Variants in TAFA5 observed in about 807,000 individuals in gnomAD.
The protein encoded by TAFA5 is TAFA chemokine like family member 5.
A neutral mutation model predicts 15.3 loss-of-function variants in TAFA5; 6 were observed. The observed-to-expected ratio is 0.39, with a 90% CI of 0.21 to 0.77. The LOEUF (loss-of-function observed/expected upper bound fraction) is 0.77, where lower values mean the gene tolerates loss of function less well. Ranked by LOEUF, TAFA5 falls within the 30% of genes least tolerant of loss-of-function variation. The pLI is 0.41. For synonymous variants in TAFA5, 103 were observed against 80.7 expected (o/e 1.28, Z -1.48); for missense variants, 161 against 193.1 (o/e 0.83, Z 0.98).
rs184126678 is a variant in TAFA5 at position 48,576,540 on chromosome 22, C to T, written c.113-70057C>T. ...GGGCCGCGCTCTGCTGCTTCCTCGT[C>T]CTAGTGATCCACGCGCAGTTCCTCA... On this transcript the variant is annotated intron_variant, in intron 1 of 3. Transcript: ENST00000402357. The T allele has an allele frequency of 7.6e-4, 1,159 of 1,518,078 alleles. 8 individuals carry two copies. In the African/African-American group the frequency reaches 0.015, roughly 20 times the overall value. The allele number at this position is 1,518,078 out of a possible 1,614,324, so 94.0% of individuals were successfully genotyped here. A position where few individuals can be genotyped will look rare whatever the true frequency, so the allele number is the denominator to read the frequency against.
rs771819780 is a variant in TAFA5 at position 48,489,599 on chromosome 22, C to G, written c.7C>G (p.Pro3Ala). 1 of 1,474,062 alleles carries G rather than the reference C, an allele frequency of 6.8e-7. No homozygotes were observed. The highest frequency in any genetic ancestry group is 3.0e-5 in the East Asian group (1 of 32,912). The allele number at this position is 1,474,062 out of a possible 1,614,324, so 91.3% of individuals were successfully genotyped here. A position where few individuals can be genotyped will look rare whatever the true frequency, so the allele number is the denominator to read the frequency against. MA[P>A]SPRTGSRQDA... ...CGCGGGCGCCGCGGCTTCAATGGCGCCATCGCCCAGGACCGGCAGCCGGCA... is the reference window on the plus strand; with the variant it reads ...CGCGGGCGCCGCGGCTTCAATGGCGGCATCGCCCAGGACCGGCAGCCGGCA... Residue 3 changes from proline (P) to alanine (A), a missense_variant, in exon 1 of 4, where the codon CCA becomes GCA. By Grantham distance (27) the Pro-to-Ala change is conservative. Transcript: ENST00000402357. This position sits in a 1 kb window ranked among gnomAD's most constrained non-coding sequence, Gnocchi z 5.5.
chr22:48,523,678 G>T (rs1268512546), intron 1 of TAFA5, among the ~76,000 whole-genome samples: 1 of 152,212 alleles, frequency 6.6e-6, no homozygotes, highest in African/African-American at 2.4e-5. Context: ...CTGCATGAAG[G>T]AGGCATCCCG....
At chr22:48,640,590 T>G (rs1005122102) in intron 1 of TAFA5, among the ~76,000 whole-genome samples, 20 of 149,968 alleles carry the variant, frequency 1.3e-4, no homozygotes, top group Non-Finnish European at 2.4e-4. Flanking sequence ...GAGAGGCGTT[T>G]ACCCCGGGGC....
At chr22:48,532,596 TAGTC>T (rs1430066460) in intron 1 of TAFA5, among the ~76,000 whole-genome samples, 1 of 152,172 alleles carries the variant, frequency 6.6e-6, no homozygotes, top group Non-Finnish European at 1.5e-5. Flanking sequence ...GCAGACACTA[TAGTC>T]ACGTCCAGCA....
At chr22:48,605,474 T>G (rs1282104214) in intron 1 of TAFA5, among the ~76,000 whole-genome samples, 10 of 92,848 alleles carry the variant, frequency 1.1e-4, no homozygotes, top group African/African-American at 2.9e-4. Context: ...AATGATGATG[T>G]TGGTGGTGGC....
chr22:48,610,886 G>C (rs1287727101), intron 1 of TAFA5, among the ~76,000 whole-genome samples: 1 of 151,862 alleles, frequency 6.6e-6, no homozygotes, highest in East Asian at 1.9e-4. Context: ...GATTTGACTT[G>C]TGTCCCTCCC....
intron 1 of TAFA5, among the ~76,000 whole-genome samples, chr22:48,500,604 G>A (rs1043300755): frequency 6.6e-6 from 1 of 152,234 alleles, no homozygotes; most frequent in African/African-American, 2.4e-5. Context: ...GCCTCTTCTC[G>A]GCTGAGCTGG....
intron 1 of TAFA5, among the ~76,000 whole-genome samples, chr22:48,642,991 A>G (rs761787): frequency 0.86 from 130,863 of 152,192 alleles, 56,768 homozygotes; most frequent in East Asian, 1. Context: ...GTATTGGGCT[A>G]AGTGTTCTCA....
rs868156142 is a variant in TAFA5 at position 48,678,971 on chromosome 22, T to C, written c.263-28746T>C. ...GCTCTGCGTCCATCCCTCTCCCGTCTCCCCGTCCATCCCTCTCCCGGCTCC... is the reference window on the plus strand; with the variant it reads ...GCTCTGCGTCCATCCCTCTCCCGTCCCCCCGTCCATCCCTCTCCCGGCTCC... On this transcript the variant is annotated intron_variant, in intron 2 of 3. Coordinates refer to ENST00000402357, the MANE Select transcript of TAFA5 (RefSeq NM_001082967.3). Among the ~76,000 whole-genome samples, 567 of 138,456 alleles carry C rather than the reference T, an allele frequency of 4.1e-3. 5 individuals are homozygous for C. The highest frequency in any genetic ancestry group is 0.017 in the African/African-American group (531 of 31,824). 90.8% of individuals were successfully genotyped at this position (138,456 alleles called of 152,430 possible).
At chr22:48,663,040 C>T (rs778907010) in intron 2 of TAFA5, among the ~76,000 whole-genome samples, 8 of 152,158 alleles carry the variant, frequency 5.3e-5, no homozygotes, top group Non-Finnish European at 1.0e-4. Context: ...GCAGGAGGGA[C>T]GTGGGGATGC....
chr22:48,632,209 G>T (rs975593006), intron 1 of TAFA5, among the ~76,000 whole-genome samples: 13 of 152,120 alleles, frequency 8.5e-5, no homozygotes, highest in African/African-American at 3.1e-4. Context: ...AACCCTTACC[G>T]CCACGGGCCC....
intron 1 of TAFA5, among the ~76,000 whole-genome samples, chr22:48,538,208 C>T (rs528157020): frequency 8.6e-5 from 13 of 151,616 alleles, no homozygotes; most frequent in Non-Finnish European, 1.6e-4. Context: ...CTACCTGGCG[C>T]TCTACCGAAA....
At position 48,742,726 on chromosome 22, in the gene TAFA5, C is replaced by A. The variant is rs993674593; in HGVS notation, c.391-7113C>A. 2.6e-5 allele frequency among the ~76,000 whole-genome samples: 4 copies of A among 152,278 alleles called. No individual in the cohort carries two copies. The highest frequency in any genetic ancestry group is 9.6e-5 in the African/African-American group (4 of 41,542). On this transcript the variant is annotated intron_variant, in intron 3 of 3. Coordinates refer to ENST00000402357, the MANE Select transcript of TAFA5 (RefSeq NM_001082967.3). This position sits in a 1 kb window ranked among gnomAD's most constrained non-coding sequence, Gnocchi z 6.2. ...TGGTGGGCCGGGTGGTGTGGTGAAGCCGGCAGCACAGTGGAGCAGGCATTA... is the reference window on the plus strand; with the variant it reads ...TGGTGGGCCGGGTGGTGTGGTGAAGACGGCAGCACAGTGGAGCAGGCATTA...
chr22:48,684,215 G>C (rs130104), intron 2 of TAFA5, among the ~76,000 whole-genome samples: 129,375 of 152,042 alleles, frequency 0.85, 55,533 homozygotes, highest in African/African-American at 0.89. Flanking sequence ...TGGCTCTGCC[G>C]TCCCTCAGCC....
intron 2 of TAFA5, among the ~76,000 whole-genome samples, chr22:48,694,339 G>A (rs1259239476): frequency 6.6e-6 from 1 of 152,190 alleles, no homozygotes; most frequent in Non-Finnish European, 1.5e-5. Context: ...CAAATACGTA[G>A]AAATGACTGT....
At chr22:48,611,337 C>T (rs573457508) in intron 1 of TAFA5, among the ~76,000 whole-genome samples, 4 of 152,340 alleles carry the variant, frequency 2.6e-5, no homozygotes, top group South Asian at 2.1e-4. Context: ...TGCTGTCCTG[C>T]GTTGCCTTTC....
chr22:48,627,693 TC>T (rs1926073622), intron 1 of TAFA5, among the ~76,000 whole-genome samples: 1 of 152,190 alleles, frequency 6.6e-6, no homozygotes, highest in Non-Finnish European at 1.5e-5. Context: ...AATGAGACAC[TC>T]ACACCCTAGG....
chr22:48,496,205 T>G (rs1215644171), intron 1 of TAFA5, among the ~76,000 whole-genome samples: 1 of 152,114 alleles, frequency 6.6e-6, no homozygotes, highest in Non-Finnish European at 1.5e-5. Context: ...ACTGTCGGGG[T>G]CACTTTCTTC....
chr22:48,607,377 C>T (rs899711474), intron 1 of TAFA5, among the ~76,000 whole-genome samples: 5 of 137,568 alleles, frequency 3.6e-5, no homozygotes, highest in Admixed American at 7.0e-5. Context: ...TTAGGGATGG[C>T]CCACCCATCC....
Sources: allele counts gnomAD v4.1 joint callset (sites outside exome capture counted in the v4.1 genomes callset), GRCh38; gene constraint gnomAD v4.1.1; non-coding constraint Gnocchi (gnomAD v3.1); transcripts MANE v1.5; gene names NCBI Gene and HGNC (gene_info 2026-07-23, HGNC 2026-07-21).